Variants in SEPTIN11 observed in about 807,000 individuals in gnomAD.
SEPTIN11 encodes the protein septin-11.
A neutral mutation model predicts 51.4 loss-of-function variants in SEPTIN11; 25 were observed. The observed-to-expected ratio is 0.49, with a 90% confidence interval of 0.35 to 0.68. The LOEUF (loss-of-function observed/expected upper bound fraction) is 0.68. SEPTIN11 is among the 30% of genes least tolerant of loss of function. The pLI is 0.00. For missense variants in SEPTIN11, 381 were observed against 520.8 expected (o/e 0.73, Z 2.61); for synonymous variants, 174 against 184.1 (o/e 0.95, Z 0.44).
chr4:76,989,657 A>G (rs28402896), intron 1 of SEPTIN11, among the ~76,000 whole-genome samples: 80,105 of 152,090 alleles, frequency 0.53, 21,891 homozygotes, highest in Middle Eastern at 0.62. Flanking sequence ...TCAGTCAACA[A>G]TGGACCGCAT....
chr4:77,028,402 C>A (rs1256302513), intron 7 of SEPTIN11, among the ~76,000 whole-genome samples: 1 of 152,236 alleles, frequency 6.6e-6, no homozygotes, highest in Non-Finnish European at 1.5e-5. Context: ...CACAGACACA[C>A]CTTTAGTGCT....
chr4:76,996,333 GGAA>G (rs986747558), intron 1 of SEPTIN11, 89 bp from the exon 2 acceptor site: 8 of 970,068 alleles, frequency 8.2e-6, no homozygotes, highest in African/African-American at 8.0e-5. Context: ...GTATGTCAAG[GGAA>G]GAAGAAGAAA....
intron 1 of SEPTIN11, among the ~76,000 whole-genome samples, chr4:76,962,143 C>T (rs1304543233): frequency 1.3e-5 from 2 of 152,144 alleles, no homozygotes; most frequent in Non-Finnish European, 2.9e-5. Flanking sequence ...GCATTGAAAA[C>T]ACTTTTAAGT....
At chr4:76,967,659 A>G (rs1722086551) in intron 1 of SEPTIN11, among the ~76,000 whole-genome samples, 1 of 152,206 alleles carries the variant, frequency 6.6e-6, no homozygotes, top group Non-Finnish European at 1.5e-5. Context: ...TTGCTGGTTG[A>G]GTCTGCCAAT....
At position 77,034,695 on chromosome 4, in the gene SEPTIN11, G is replaced by T. The variant is rs1476718527; in HGVS notation, c.*183G>T. 7 of 1,315,564 alleles carry T rather than the reference G, an allele frequency of 5.3e-6. No individual in the cohort carries two copies. In the South Asian group the frequency reaches 1.4e-4, roughly 27 times the overall value. The allele number at this position is 1,315,564 out of a possible 1,614,324, so 81.5% of individuals were successfully genotyped here. ...TGGGTGGTAGAAAATGATAGAACAA[G>T]GGAATAACCGCGAATGCTCTGTGCA... On this transcript the variant is annotated 3_prime_UTR_variant, in exon 10 of 10. Coordinates refer to ENST00000264893, the MANE Select transcript of SEPTIN11 (RefSeq NM_018243.4).
chr4:76,982,729 A>T (rs1722829824), intron 1 of SEPTIN11, among the ~76,000 whole-genome samples: 1 of 152,104 alleles, frequency 6.6e-6, no homozygotes, highest in South Asian at 2.1e-4. Flanking sequence ...TATTTCCTAG[A>T]ATTCTTGTTA....
intron 7 of SEPTIN11, 50 bp from the exon 8 acceptor site, chr4:77,028,579 C>CT (rs1726358671): frequency 6.6e-7 from 1 of 1,508,900 alleles, no homozygotes; most frequent in Non-Finnish European, 8.9e-7. Flanking sequence ...ACTGAAATTT[C>CT]TTAGTATACA....
At chr4:77,032,534 A>T (rs1462651788) in intron 9 of SEPTIN11, among the ~76,000 whole-genome samples, 1 of 152,154 alleles carries the variant, frequency 6.6e-6, no homozygotes, top group African/African-American at 2.4e-5. Context: ...ATCCAAGCTA[A>T]ACTAACCAAG....
At chr4:76,966,841 G>T (rs1286501228) in intron 1 of SEPTIN11, among the ~76,000 whole-genome samples, 1 of 152,074 alleles carries the variant, frequency 6.6e-6, no homozygotes, top group Non-Finnish European at 1.5e-5. Flanking sequence ...TCCAGCCTGG[G>T]AGACAGAGGG....
chr4:76,979,720 C>A (rs1722670241), intron 1 of SEPTIN11, among the ~76,000 whole-genome samples: 1 of 151,842 alleles, frequency 6.6e-6, no homozygotes, highest in Non-Finnish European at 1.5e-5. Context: ...CCCGTCTCTA[C>A]TAAAAAATAC....
chr4:77,017,891 A>G (rs991808202), intron 5 of SEPTIN11, among the ~76,000 whole-genome samples: 4 of 152,238 alleles, frequency 2.6e-5, no homozygotes, highest in Admixed American at 6.5e-5. Context: ...CACCATCTCT[A>G]CTTCAGATAA....
At chr4:77,001,403 G>A (rs1008674009) in intron 2 of SEPTIN11, among the ~76,000 whole-genome samples, 13 of 151,552 alleles carry the variant, frequency 8.6e-5, no homozygotes, top group African/African-American at 2.7e-4. Flanking sequence ...AGGCTGGAGT[G>A]CAGTGGTTCA....
intron 1 of SEPTIN11, among the ~76,000 whole-genome samples, chr4:76,985,717 C>G (rs1578143590): frequency 6.6e-6 from 1 of 152,170 alleles, no homozygotes; most frequent in African/African-American, 2.4e-5. Context: ...CACCAGGGTC[C>G]TGGGTTCTCC....
Position 76,968,357 on chromosome 4 carries a change from T to A in SEPTIN11, c.27+18427T>A, listed in dbSNP as rs553321834. On this transcript the variant is annotated intron_variant, in intron 1 of 9. Transcript: ENST00000264893. ...TTTCCCATTAATCCTTATTGAGGCC[T>A]AAGGACTTAAGTTGAGGCTTAAATT... is the stretch of plus-strand genomic sequence containing the variant. Among the ~76,000 whole-genome samples, 75 of 152,280 alleles carry A rather than the reference T, an allele frequency of 4.9e-4. 1 individual carries two copies. The highest frequency in any genetic ancestry group is 1.8e-3 in the African/African-American group (74 of 41,570).
intron 1 of SEPTIN11, among the ~76,000 whole-genome samples, chr4:76,964,494 G>A (rs1227297025): frequency 6.6e-6 from 1 of 152,116 alleles, no homozygotes; most frequent in African/African-American, 2.4e-5. Flanking sequence ...CTGTGACCTG[G>A]GGAAGGAGGG....
intron 1 of SEPTIN11, among the ~76,000 whole-genome samples, chr4:76,952,983 C>T (rs1721409502): frequency 6.6e-6 from 1 of 152,214 alleles, no homozygotes; most frequent in South Asian, 2.1e-4. Context: ...AGTTTAAAAA[C>T]TCTAGGAGTT....
At chr4:77,023,564 ACT>A (rs1315241982) in intron 7 of SEPTIN11, among the ~76,000 whole-genome samples, 1 of 151,888 alleles carries the variant, frequency 6.6e-6, no homozygotes, top group Non-Finnish European at 1.5e-5. Flanking sequence ...ACTCATTCAA[ACT>A]CTGATGTCCC....
chr4:77,003,766 CT>C lies in SEPTIN11; in HGVS notation c.143-1834del, dbSNP rs1724289655. 2.0e-5 allele frequency among the ~76,000 whole-genome samples: 3 copies of C among 152,242 alleles called. No individual in the cohort carries two copies. In the South Asian group the frequency reaches 6.2e-4, roughly 32 times the overall value. ...TGAGTATACAATACAGAATTTATAA[CT>C]AGTAAGTAGATTTTGTCATTATAGT... On this transcript the variant is annotated intron_variant, in intron 2 of 9. Coordinates refer to ENST00000264893, the MANE Select transcript of SEPTIN11 (RefSeq NM_018243.4).
At chr4:76,982,638 T>C (rs1722826915) in intron 1 of SEPTIN11, among the ~76,000 whole-genome samples, 1 of 152,252 alleles carries the variant, frequency 6.6e-6, no homozygotes, top group South Asian at 2.1e-4. Flanking sequence ...TATTTCATCA[T>C]GAAACATTTC....
Sources: allele counts gnomAD v4.1 joint callset (sites outside exome capture counted in the v4.1 genomes callset), GRCh38; gene constraint gnomAD v4.1.1; transcripts MANE v1.5; gene names NCBI Gene and HGNC (gene_info 2026-07-23, HGNC 2026-07-21).